The following CADM2 variants were observed in gnomAD, a reference collection of about 807,000 sequenced individuals.
CADM2 encodes immunoglobulin superfamily member 4D.
In CADM2, 12 loss-of-function variants were observed where a neutral mutation model predicts 49.8. The ratio of observed to expected loss-of-function variants is 0.24; its 90% confidence interval spans 0.15 to 0.39. CADM2 has a LOEUF of 0.39. CADM2 is among the 10% of genes least tolerant of loss of function. CADM2 has a pLI of 1.00. For missense variants in CADM2, 378 were observed against 492.3 expected (o/e 0.77, Z 2.20); for synonymous variants, 214 against 175.4 (o/e 1.22, Z -1.74).
At chr3:85,235,997 G>T (rs2042399353) in intron 1 of CADM2, among the ~76,000 whole-genome samples, 1 of 152,052 alleles carries the variant, frequency 6.6e-6, no homozygotes, top group Non-Finnish European at 1.5e-5. Flanking sequence ...ATCAGACTGT[G>T]TTGCTACCCT....
At chr3:85,606,309 C>T (rs562670170) in intron 1 of CADM2, among the ~76,000 whole-genome samples, 32 of 152,162 alleles carry the variant, frequency 2.1e-4, no homozygotes, top group African/African-American at 7.5e-4. Flanking sequence ...TACTACCCCA[C>T]ACTGCTTTCC....
intron 3 of CADM2, among the ~76,000 whole-genome samples, chr3:85,808,422 A>G (rs1010914015): frequency 2.0e-5 from 3 of 152,198 alleles, no homozygotes; most frequent in Non-Finnish European, 2.9e-5. Flanking sequence ...ACACCACATA[A>G]ATGCTGTGTG....
intron 1 of CADM2, among the ~76,000 whole-genome samples, chr3:85,447,292 A>G (rs900800689): frequency 6.6e-6 from 1 of 151,950 alleles, no homozygotes; most frequent in Non-Finnish European, 1.5e-5. Flanking sequence ...ATTTTAAATA[A>G]TTCAGTTCTT....
chr3:85,981,272 A>C (rs1157371222), intron 8 of CADM2, among the ~76,000 whole-genome samples: 3 of 151,556 alleles, frequency 2.0e-5, no homozygotes, highest in Non-Finnish European at 4.4e-5. Context: ...TATGAGAAAA[A>C]TATTTCAAAG....
chr3:85,111,081 A>C (rs540253401), intron 1 of CADM2, among the ~76,000 whole-genome samples: 5 of 152,058 alleles, frequency 3.3e-5, no homozygotes, highest in Admixed American at 1.3e-4. Flanking sequence ...TCACTCTGGC[A>C]AATTTATAAA....
intron 3 of CADM2, 83 bp from the exon 4 acceptor site, chr3:85,883,208 G>T (rs1351617204): frequency 3.8e-6 from 4 of 1,065,086 alleles, no homozygotes; most frequent in South Asian, 2.2e-5. Flanking sequence ...AACATTTATT[G>T]TATTGTGTTG....
intron 1 of CADM2, among the ~76,000 whole-genome samples, chr3:85,668,313 A>T (rs1278867550): frequency 7.0e-6 from 1 of 143,004 alleles, no homozygotes; most frequent in African/African-American, 2.6e-5. Flanking sequence ...AAAAAAAAAA[A>T]GCAAACAAAA....
At chr3:85,830,865 G>T (rs2074152455) in intron 3 of CADM2, among the ~76,000 whole-genome samples, 1 of 150,042 alleles carries the variant, frequency 6.7e-6, no homozygotes, top group South Asian at 2.1e-4. Context: ...CAGGCCCAGG[G>T]GGTACATGTG....
intron 1 of CADM2, among the ~76,000 whole-genome samples, chr3:85,056,016 CTG>C (rs1486861836): frequency 3.3e-5 from 5 of 152,026 alleles, no homozygotes; most frequent in Non-Finnish European, 7.4e-5. Flanking sequence ...CTTCATGTCT[CTG>C]TGAATATAAA....
intron 1 of CADM2, among the ~76,000 whole-genome samples, chr3:85,627,135 A>T (rs2107508688): frequency 6.6e-6 from 1 of 151,982 alleles, no homozygotes; most frequent in Middle Eastern, 3.4e-3. Context: ...CTATTTTGTG[A>T]TTGTTTGGAA....
intron 3 of CADM2, among the ~76,000 whole-genome samples, chr3:85,852,517 T>C (rs975300795): frequency 1.7e-4 from 26 of 151,968 alleles, no homozygotes; most frequent in Non-Finnish European, 3.1e-4. Context: ...CCACAATCTG[T>C]CTTCAAAAAA....
At chr3:85,415,609 T>A (rs1296838950) in intron 1 of CADM2, among the ~76,000 whole-genome samples, 1 of 152,164 alleles carries the variant, frequency 6.6e-6, no homozygotes, top group Non-Finnish European at 1.5e-5. Flanking sequence ...GTAGTATACT[T>A]GAAAAGAAAT....
At chr3:85,906,326 T>A (rs1176654258) in intron 5 of CADM2, among the ~76,000 whole-genome samples, 2 of 151,892 alleles carry the variant, frequency 1.3e-5, no homozygotes, top group African/African-American at 4.8e-5. Context: ...TTAAGATACA[T>A]TTTATGAAAA....
At chr3:85,091,050 A>T (rs990185088) in intron 1 of CADM2, among the ~76,000 whole-genome samples, 22 of 152,170 alleles carry the variant, frequency 1.4e-4, no homozygotes, top group Admixed American at 4.6e-4. Context: ...TAAAATGCAG[A>T]TTGCGGGGAT....
chr3:86,014,944 G>A (rs1011398949), intron 8 of CADM2: 15 of 1,462,402 alleles, frequency 1.0e-5, no homozygotes, highest in East Asian at 6.8e-5. Flanking sequence ...GGACGAAAGC[G>A]TCTTAAAGCA....
At chr3:85,012,404 T>TATC (rs1239607088) in intron 1 of CADM2, among the ~76,000 whole-genome samples, 1 of 149,912 alleles carries the variant, frequency 6.7e-6, no homozygotes, top group Non-Finnish European at 1.5e-5. Context: ...AAATATTTAC[T>TATC]ATCAATTGTT....
At chr3:85,817,388 C>A (rs1001190832) in intron 3 of CADM2, among the ~76,000 whole-genome samples, 2 of 140,712 alleles carry the variant, frequency 1.4e-5, no homozygotes, top group Non-Finnish European at 3.0e-5. Flanking sequence ...CTTTCAAAGT[C>A]CCATCAAATA....
At chr3:85,617,604 G>A (rs1041096465) in intron 1 of CADM2, among the ~76,000 whole-genome samples, 3 of 152,130 alleles carry the variant, frequency 2.0e-5, no homozygotes, top group Non-Finnish European at 2.9e-5. Context: ...TTGTTGATCA[G>A]CTTAATCTTC....
chr3:86,008,561 G>A (rs894778891), intron 8 of CADM2, among the ~76,000 whole-genome samples: 45 of 152,020 alleles, frequency 3.0e-4, no homozygotes, highest in African/African-American at 8.9e-4. Flanking sequence ...GTAGAGGAAG[G>A]CAATACGTAA....
Sources: allele counts gnomAD v4.1 joint callset (sites outside exome capture counted in the v4.1 genomes callset), GRCh38; gene constraint gnomAD v4.1.1; transcripts MANE v1.5; gene names NCBI Gene and HGNC (gene_info 2026-07-23, HGNC 2026-07-21).